MED13L: variants seen among roughly 807,000 people sequenced by gnomAD.
MED13L encodes mediator complex subunit 13L.
A neutral mutation model predicts 220.9 loss-of-function variants in MED13L; 7 were observed. That is an observed-to-expected ratio of 0.03 (90% CI 0.02 to 0.06). The LOEUF (loss-of-function observed/expected upper bound fraction) is 0.06, where lower values mean the gene tolerates loss of function less well. Ranked by LOEUF, MED13L falls within the 10% of genes least tolerant of loss-of-function variation. The pLI is 1.00. For synonymous variants in MED13L, 1,011 were observed against 1,015.2 expected, an observed-to-expected ratio of 1.00 and a Z score of 0.08; for missense variants, 1,965 against 2,760.5, an observed-to-expected ratio of 0.71 and a Z score of 6.46.
intron 3 of MED13L, among the ~76,000 whole-genome samples, chr12:116,098,410 A>G (rs1392277473): frequency 6.6e-6 from 1 of 152,194 alleles, no homozygotes; most frequent in Non-Finnish European, 1.5e-5. Context: ...ACTGAATGTA[A>G]TTCTTCTATA....
intron 1 of MED13L, among the ~76,000 whole-genome samples, chr12:116,264,116 C>T (rs1872675344): frequency 6.6e-6 from 1 of 152,036 alleles, no homozygotes; most frequent in African/African-American, 2.4e-5. Flanking sequence ...CAGTTTAGAG[C>T]AAAAAGCAGA....
chr12:116,172,403 A>G (rs916080717), intron 2 of MED13L, among the ~76,000 whole-genome samples: 7 of 152,156 alleles, frequency 4.6e-5, no homozygotes, highest in Admixed American at 1.3e-4. Flanking sequence ...ACTGCCGCAG[A>G]TATTTTTTTG....
chr12:116,066,680 A>C (rs1869953255), intron 4 of MED13L, among the ~76,000 whole-genome samples: 1 of 152,128 alleles, frequency 6.6e-6, no homozygotes, highest in African/African-American at 2.4e-5. Context: ...ATTTAATTAC[A>C]GAATCTCATA....
intron 1 of MED13L, 136 bp downstream of exon 1, chr12:116,276,924 G>C (rs1873903086): frequency 1.9e-6 from 2 of 1,051,502 alleles, no homozygotes; most frequent in Admixed American, 2.0e-5. Context: ...GGGAGAATCG[G>C]CGAGAGGCGA....
intron 23 of MED13L, among the ~76,000 whole-genome samples, chr12:115,979,899 T>G (rs910070778): frequency 6.6e-6 from 1 of 151,610 alleles, no homozygotes; most frequent in African/African-American, 2.4e-5. Context: ...AGCTTTGGTG[T>G]TGTAAAATTC....
intron 1 of MED13L, among the ~76,000 whole-genome samples, chr12:116,238,422 T>C (rs946065175): frequency 2.6e-5 from 4 of 152,276 alleles, no homozygotes; most frequent in African/African-American, 4.8e-5. Flanking sequence ...CATACGTTTA[T>C]ATTTCAAGAT....
chr12:116,239,651 CTG>C (rs1229860967), intron 1 of MED13L, among the ~76,000 whole-genome samples: 2 of 152,126 alleles, frequency 1.3e-5, no homozygotes, highest in African/African-American at 4.8e-5. Context: ...TCCTTGAACA[CTG>C]TTATTTTCCT....
intron 22 of MED13L, 152 bp from the exon 23 acceptor site, chr12:115,981,090 C>A: frequency 1.5e-6 from 1 of 661,316 alleles, no homozygotes. Context: ...CTGTGCCACA[C>A]ATAATATAAT....
At chr12:115,990,266 A>G (rs1464279301) in intron 17 of MED13L, among the ~76,000 whole-genome samples, 1 of 152,204 alleles carries the variant, frequency 6.6e-6, no homozygotes, top group Non-Finnish European at 1.5e-5. Context: ...CCTTCAGCCT[A>G]GAGTGCCCCG....
chr12:116,085,586 G>A (rs899293932), intron 4 of MED13L, among the ~76,000 whole-genome samples: 1 of 151,968 alleles, frequency 6.6e-6, no homozygotes, highest in Non-Finnish European at 1.5e-5. Context: ...AACCTTTTGT[G>A]CTGGGAATTA....
At chr12:116,085,970 G>C (rs1871642668) in intron 4 of MED13L, among the ~76,000 whole-genome samples, 1 of 152,180 alleles carries the variant, frequency 6.6e-6, no homozygotes, top group African/African-American at 2.4e-5. Flanking sequence ...AATGAGTTTA[G>C]ACTATGCTAG....
intron 2 of MED13L, among the ~76,000 whole-genome samples, chr12:116,217,814 CA>C (rs1366317529): frequency 2.0e-5 from 3 of 151,896 alleles, no homozygotes; most frequent in Non-Finnish European, 4.4e-5. Flanking sequence ...ATTAAATAAA[CA>C]AAAACACACA....
intron 2 of MED13L, among the ~76,000 whole-genome samples, chr12:116,178,475 T>G (rs1880248145): frequency 6.6e-6 from 1 of 152,204 alleles, no homozygotes; most frequent in Non-Finnish European, 1.5e-5. Context: ...TTAGTTCAAC[T>G]GCATAACTAT....
At chr12:116,210,982 A>G (rs1882662276) in intron 2 of MED13L, among the ~76,000 whole-genome samples, 1 of 152,192 alleles carries the variant, frequency 6.6e-6, no homozygotes, top group African/African-American at 2.4e-5. Flanking sequence ...TTCCAACCAC[A>G]ATGAATAAAC....
intron 2 of MED13L, among the ~76,000 whole-genome samples, chr12:116,159,356 C>T (rs1422529441): frequency 2.6e-5 from 4 of 152,070 alleles, no homozygotes; most frequent in Non-Finnish European, 1.5e-5. Flanking sequence ...CCAGAGAATG[C>T]CAGAATACAT....
chr12:115,993,711 A>G (rs1878220803), intron 16 of MED13L, among the ~76,000 whole-genome samples: 1 of 152,170 alleles, frequency 6.6e-6, no homozygotes, highest in African/African-American at 2.4e-5. Flanking sequence ...TCAGATCAGA[A>G]AAGGAACTAT....
At chr12:116,150,426 T>C (rs1303707551) in intron 2 of MED13L, among the ~76,000 whole-genome samples, 1 of 152,194 alleles carries the variant, frequency 6.6e-6, no homozygotes, top group African/African-American at 2.4e-5. Flanking sequence ...ATCTAGATCT[T>C]GTCATAATTT....
In MED13L at chr12:115,996,601, C is replaced by T. The variant is rs771187948; in HGVS notation, c.2871G>A (p.Pro957=). 24 of 1,613,884 alleles carry T rather than the reference C, an allele frequency of 1.5e-5. No homozygotes were observed. In the Admixed American group the frequency reaches 2.5e-4, roughly 17 times the overall value. The change falls in exon 16 of 31, where the codon CCG becomes CCA. Residue 957 remains proline, a synonymous_variant. Coordinates refer to ENST00000281928, the MANE Select transcript of MED13L (RefSeq NM_015335.5). Reference sequence around the variant, plus strand: ...TCTTCAGAGGTAGCAAACAATGGCTCGGCAACATCTTCAGTGGAGCAAACA... The same window carrying T: ...TCTTCAGAGGTAGCAAACAATGGCTTGGCAACATCTTCAGTGGAGCAAACA... The part of the protein sequence containing the change: ...SSMFAPLKML[P]SHCLLPLKIP...
In MED13L at chr12:116,012,817, T is replaced by G. The variant is rs768900677; in HGVS notation, c.1260A>C (p.Arg420Ser). 1.2e-6 allele frequency: 2 copies of G among 1,613,478 alleles called. No homozygotes were observed. Among genetic ancestry groups the G allele is most frequent in the Non-Finnish European group, 1.7e-6 (2 of 1,179,402 alleles). ...CCTACCTGGAACAAGAACAGCTGAC[T>G]CTTTGGGTTGGATCCACAAAATCCC... ...ATWDFVDPTQ[R>S]VSCSCSRHKL... Residue 420 changes from arginine to serine, a missense_variant, in exon 9 of 31, where the codon AGA (arginine) becomes AGC (serine). Arg to Ser is a moderately radical substitution (Grantham distance 110, BLOSUM62 -1). Coordinates refer to ENST00000281928, the MANE Select transcript of MED13L (RefSeq NM_015335.5).
Sources: allele counts gnomAD v4.1 joint callset (sites outside exome capture counted in the v4.1 genomes callset), GRCh38; gene constraint gnomAD v4.1.1; transcripts MANE v1.5; gene names NCBI Gene and HGNC (gene_info 2026-07-23, HGNC 2026-07-21).